Variants in SI observed in about 807,000 individuals in gnomAD.
SI encodes the protein sucrase-isomaltase, intestinal.
SI carries 235 observed loss-of-function variants against 253.3 expected under a neutral mutation model. The observed-to-expected ratio is 0.93, with a 90% confidence interval of 0.83 to 1.03. The LOEUF (loss-of-function observed/expected upper bound fraction) is 1.03. Ranked by LOEUF, SI falls within the 50% of genes least tolerant of loss-of-function variation. The pLI, the probability that SI is intolerant of heterozygous loss-of-function variation, is 0.00. For missense variants in SI, 2,442 were observed against 2,211.1 expected (o/e 1.10, Z -2.09); for synonymous variants, 819 against 712.0 (o/e 1.15, Z -2.39).
At chr3:164,991,206 T>C (rs570636226) in intron 44 of SI, 147 bp downstream of exon 44, 166 of 839,160 alleles carry the variant, frequency 2.0e-4, no homozygotes, top group Non-Finnish European at 2.8e-4. Flanking sequence ...CAAACACTTT[T>C]GTCTCTGACC....
At chr3:164,987,698 A>G (rs1717510594) in intron 44 of SI, among the ~76,000 whole-genome samples, 1 of 150,582 alleles carries the variant, frequency 6.6e-6, no homozygotes, top group Non-Finnish European at 1.5e-5. Flanking sequence ...ACAGAGCAAG[A>G]CTCCATCAAA....
chr3:165,013,055 A>C lies in SI; in HGVS notation c.4000-13T>G. 2 of 1,567,176 alleles carry C rather than the reference A, an allele frequency of 1.3e-6. No individual in the cohort carries two copies. Among genetic ancestry groups the C allele is most frequent in the Non-Finnish European group, 1.8e-6 (2 of 1,137,526 alleles). ...AATCTGGCCAAACCTACAAGAGACA[A>C]GACATGGAAAAGCTGATCAAAACAT... On this transcript the variant is annotated splice_polypyrimidine_tract_variant and intron_variant, in intron 33 of 47. Transcript: ENST00000264382.
chr3:165,043,292 TTA>T (rs1253344912), intron 16 of SI, 117 bp from the exon 17 acceptor site: 1 of 693,500 alleles, frequency 1.4e-6, no homozygotes, highest in Non-Finnish European at 2.5e-6. Flanking sequence ...TTTACTCCTT[TTA>T]TATATGCTTC....
rs71156878 is a variant in SI at position 165,058,067 on chromosome 3, A to AAG, written c.1398+895_1398+896insCT. Among the ~76,000 whole-genome samples the AAG allele has an allele frequency of 9.1e-3, 1,385 of 151,854 alleles. 8 individuals are homozygous for AAG. Among genetic ancestry groups the AAG allele is most frequent in the Non-Finnish European group, 0.016 (1,059 of 67,864 alleles). ...GTCTTAAAATATTTTTTTTTAAAAA[A>AAG]TTGAAATCATATCAACTATTTTCTT... On this transcript the variant is annotated intron_variant, in intron 12 of 47. Coordinates refer to ENST00000264382, the MANE Select transcript of SI (RefSeq NM_001041.4).
At chr3:165,009,003 G>A (rs73877378) in intron 35 of SI, among the ~76,000 whole-genome samples, 9,013 of 151,836 alleles carry the variant, frequency 0.059, 871 homozygotes, top group African/African-American at 0.21. Flanking sequence ...AAATAAAAGT[G>A]AAATAAATAT....
rs113812100 is a variant in SI, at chr3:165,063,597, A to G, written c.808-56T>C. 4 of 785,792 alleles carry G rather than the reference A, an allele frequency of 5.1e-6. No individual in the cohort carries two copies. In the African/African-American group the frequency reaches 5.2e-5, roughly 10 times the overall value. 48.7% of individuals were successfully genotyped at this position (785,792 alleles called of 1,614,324 possible). On this transcript the variant is annotated intron_variant, in intron 7 of 47. Coordinates refer to ENST00000264382, the MANE Select transcript of SI (RefSeq NM_001041.4). The stretch of plus-strand genomic sequence containing the variant: ...TCAAATATGTTTAAAACACAAAAAG[A>G]TTATATATTTTATATGCTCTTCATG...
intron 19 of SI, among the ~76,000 whole-genome samples, chr3:165,039,505 A>G (rs1362559354): frequency 1.3e-5 from 2 of 152,070 alleles, no homozygotes; most frequent in Admixed American, 6.6e-5. Context: ...GTGTTTCTCC[A>G]ACATTTTCAT....
At chr3:165,047,900 G>A (rs1053136739) in intron 15 of SI, among the ~76,000 whole-genome samples, 8 of 151,718 alleles carry the variant, frequency 5.3e-5, no homozygotes, top group South Asian at 4.2e-4. Context: ...CATCACTCAC[G>A]TTACCTAACT....
At chr3:165,018,282 A>G (rs1484182826) in intron 28 of SI, among the ~76,000 whole-genome samples, 1 of 151,128 alleles carries the variant, frequency 6.6e-6, no homozygotes, top group Non-Finnish European at 1.5e-5. Context: ...ATGTTTCTAT[A>G]ATATTTGTAT....
intron 34 of SI, among the ~76,000 whole-genome samples, chr3:165,011,922 T>C (rs1718789476): frequency 6.6e-6 from 1 of 152,022 alleles, no homozygotes; most frequent in Non-Finnish European, 1.5e-5. Context: ...CAAATATTTA[T>C]AATCATCGTA....
intron 24 of SI, among the ~76,000 whole-genome samples, chr3:165,031,918 T>A (rs1167296514): frequency 6.6e-6 from 1 of 151,198 alleles, no homozygotes; most frequent in African/African-American, 2.4e-5. Flanking sequence ...ATAGCAGAGT[T>A]ATAATCTGTG....
intron 26 of SI, among the ~76,000 whole-genome samples, chr3:165,022,817 T>C (rs1020543688): frequency 7.9e-5 from 12 of 151,678 alleles, no homozygotes; most frequent in African/African-American, 2.9e-4. Context: ...TCACTAAGAT[T>C]TATATGAAAA....
rs1717914926 is a variant in SI, at chr3:164,994,350, A to C, written c.4748T>G (p.Leu1583Arg). The C allele has an allele frequency of 6.2e-7, 1 of 1,610,900 alleles. No homozygotes were observed. The highest frequency in any genetic ancestry group is 2.2e-5 in the East Asian group (1 of 44,716). ...ETFAEMSRNILNIRYTLLPYF... is the reference protein window; with the variant it reads ...ETFAEMSRNIRNIRYTLLPYF... ...GGGCAATAAGGTGTATCTAATATTT[A>C]GAATATTCCTTGACATTTCAGCAAA... is the stretch of plus-strand genomic sequence containing the variant. Residue 1583 changes from leucine to arginine, a missense_variant, in exon 41 of 48, where the codon CTA becomes CGA. Transcript: ENST00000264382.
At chr3:165,001,742 A>G (rs1718264884) in intron 37 of SI, among the ~76,000 whole-genome samples, 1 of 151,446 alleles carries the variant, frequency 6.6e-6, no homozygotes, top group South Asian at 2.1e-4. Flanking sequence ...TAACTAAAGT[A>G]ACTTCTAAAT....
chr3:164,989,201 C>T lies in SI; in HGVS notation c.5109-1975G>A, dbSNP rs1486769235. 2.7e-5 allele frequency among the ~76,000 whole-genome samples: 4 copies of T among 150,880 alleles called. No individual in the cohort carries two copies. In the East Asian group the frequency reaches 7.8e-4, roughly 29 times the overall value. ...TCTCTACTAAAAATACAAAAATTAG[C>T]TAGGCGTCTGGCAGGCACCTGTAAT... On this transcript the variant is annotated intron_variant, in intron 44 of 47. Transcript: ENST00000264382.
rs986623032 is a variant in SI at position 164,994,347 on chromosome 3, T to C, written c.4751A>G (p.Asn1584Ser). Residue 1584 changes from asparagine (N) to serine (S), a missense_variant, in exon 41 of 48, where the codon AAT becomes AGT. Physicochemically the swap from Asn to Ser is conservative, Grantham distance 46 (BLOSUM62 1). Transcript: ENST00000264382. The part of the protein sequence containing the change: ...TFAEMSRNIL[N>S]IRYTLLPYFY... ...ATAGGGCAATAAGGTGTATCTAATATTTAGAATATTCCTTGACATTTCAGC... is the reference window on the plus strand; with the variant it reads ...ATAGGGCAATAAGGTGTATCTAATACTTAGAATATTCCTTGACATTTCAGC... The C allele has an allele frequency of 6.2e-7, 1 of 1,611,210 alleles. No individual in the cohort carries two copies. The highest frequency in any genetic ancestry group is 1.3e-5 in the African/African-American group (1 of 74,892).
intron 33 of SI, among the ~76,000 whole-genome samples, chr3:165,014,630 T>C (rs1369517246): frequency 6.6e-6 from 1 of 152,170 alleles, no homozygotes; most frequent in Non-Finnish European, 1.5e-5. Flanking sequence ...GATTGCTTTA[T>C]ATAAAAGCCA....
chr3:164,980,634 T>C (rs1332941551), intron 47 of SI, among the ~76,000 whole-genome samples: 1 of 151,956 alleles, frequency 6.6e-6, no homozygotes, highest in Non-Finnish European at 1.5e-5. Flanking sequence ...GTATATTTCT[T>C]CATCACTGAG....
chr3:164,996,821 T>G, intron 38 of SI, 49 bp from the exon 39 acceptor site: 1 of 842,636 alleles, frequency 1.2e-6, no homozygotes, highest in Non-Finnish European at 1.8e-6. Context: ...TTCATATATT[T>G]TAATATTGTT....
Sources: allele counts gnomAD v4.1 joint callset (sites outside exome capture counted in the v4.1 genomes callset), GRCh38; gene constraint gnomAD v4.1.1; transcripts MANE v1.5; gene names NCBI Gene and HGNC (gene_info 2026-07-23, HGNC 2026-07-21).